Variants in FEZ1 observed in about 807,000 individuals in gnomAD.
FEZ1 encodes fasciculation and elongation protein zeta-1.
Under a neutral mutation model 49.3 loss-of-function variants are expected in FEZ1, and 20 were observed. The observed-to-expected ratio is 0.41, with a 90% CI of 0.29 to 0.59. The LOEUF is 0.59. Ranked by LOEUF, FEZ1 falls within the 20% of genes least tolerant of loss-of-function variation. The pLI, the probability that FEZ1 is intolerant of heterozygous loss-of-function variation, is 0.36. For synonymous variants in FEZ1, 170 were observed against 180.9 expected, an observed-to-expected ratio of 0.94 and a Z score of 0.48; for missense variants, 413 against 476.0, an observed-to-expected ratio of 0.87 and a Z score of 1.23.
chr11:125,474,072 T>G (rs2135767470), intron 3 of FEZ1, among the ~76,000 whole-genome samples: 1 of 151,942 alleles, frequency 6.6e-6, no homozygotes, highest in African/African-American at 2.4e-5. Flanking sequence ...TTGCCCAGAC[T>G]GGAGTGCAAT....
At chr11:125,460,712 G>C in intron 4 of FEZ1, 46 bp from the exon 5 acceptor site, 1 of 1,551,144 alleles carries the variant, frequency 6.4e-7, no homozygotes, top group Non-Finnish European at 8.8e-7. Context: ...CTCTGCTAGA[G>C]GGGCATTCTG....
chr11:125,493,493 A>G (rs1169307700), intron 1 of FEZ1, among the ~76,000 whole-genome samples: 3 of 101,786 alleles, frequency 2.9e-5, no homozygotes, highest in Admixed American at 9.6e-5. Flanking sequence ...AAAGAAGGAA[A>G]GAAAGAAAGA....
Position 125,446,005 on chromosome 11 carries a change from G to T in FEZ1, c.*90C>A. ...TTAAGCTATACACGTTTAAATACATGTCGGAGGTTACATGGTCTCATGCAG... is the reference window on the plus strand; with the variant it reads ...TTAAGCTATACACGTTTAAATACATTTCGGAGGTTACATGGTCTCATGCAG... On this transcript the variant is annotated 3_prime_UTR_variant, in exon 10 of 10. Coordinates refer to ENST00000278919, the MANE Select transcript of FEZ1 (RefSeq NM_005103.5). 7.8e-7 allele frequency: 1 copy of T among 1,275,218 alleles called. No homozygotes were observed. The highest frequency in any genetic ancestry group is 1.1e-6 in the Non-Finnish European group (1 of 871,784). 79.0% of individuals were successfully genotyped at this position (1,275,218 alleles called of 1,614,324 possible). A position where few individuals can be genotyped will look rare whatever the true frequency, so the allele number is the denominator to read the frequency against.
At chr11:125,470,361 G>A (rs1957174052) in intron 3 of FEZ1, among the ~76,000 whole-genome samples, 1 of 152,226 alleles carries the variant, frequency 6.6e-6, no homozygotes, top group East Asian at 1.9e-4. Context: ...CCATCGAGCT[G>A]AAGGCTGAGA....
intron 9 of FEZ1, among the ~76,000 whole-genome samples, chr11:125,446,432 T>C (rs949544497): frequency 2.0e-5 from 3 of 152,224 alleles, no homozygotes; most frequent in African/African-American, 7.2e-5. Context: ...CGCAGGGTTG[T>C]TGAGAGGCAT....
rs10524234 is a variant in FEZ1, at chr11:125,495,799, GACAC to G, written c.-46+318_-46+321del. 0.4 allele frequency: 121,717 copies of G among 304,374 alleles called. 17,210 individuals carry two copies. Among genetic ancestry groups the G allele is most frequent in the Admixed American group, 0.52 (11,132 of 21,446 alleles). The allele number at this position is 304,374 out of a possible 1,614,324, so 18.9% of individuals were successfully genotyped here. On this transcript the variant is annotated intron_variant, in intron 1 of 9. Transcript: ENST00000278919. This position sits in a 1 kb window ranked among gnomAD's most constrained non-coding sequence, Gnocchi z 4.2. Reference sequence around the variant, plus strand: ...GCACACACGCGGGCACACACACGCGGACACACACACACACACACACACACACACA... The same window carrying G: ...GCACACACGCGGGCACACACACGCGGACACACACACACACACACACACACA...
At chr11:125,452,270 C>G in intron 8 of FEZ1, 64 bp downstream of exon 8, 2 of 1,125,162 alleles carry the variant, frequency 1.8e-6, no homozygotes, top group Non-Finnish European at 1.4e-6. Context: ...CACGGAGGTA[C>G]AACGTACAGG....
At position 125,456,260 on chromosome 11, in the gene FEZ1, C is replaced by T. The variant is rs80283327; in HGVS notation, c.668-154G>A. On this transcript the variant is annotated intron_variant, in intron 5 of 9. Transcript: ENST00000278919. ...ATCCAAGAAAGACCTTCACAATTTA[C>T]GAGCACGCCAGGAAGGCGGGGGCCT... is the stretch of plus-strand genomic sequence containing the variant. 927 of 696,800 alleles carry T rather than the reference C, an allele frequency of 1.3e-3. 3 individuals carry two copies. The African/African-American group carries it at 0.015, about 11-fold the overall frequency. 43.2% of individuals were successfully genotyped at this position (696,800 alleles called of 1,614,324 possible).
chr11:125,473,664 C>T (rs1345049404), intron 3 of FEZ1, among the ~76,000 whole-genome samples: 1 of 151,810 alleles, frequency 6.6e-6, no homozygotes, highest in South Asian at 2.1e-4. Context: ...ACTAAAAATA[C>T]AAAAATTAGC....
chr11:125,479,080 G>C (rs1168409405), intron 3 of FEZ1, among the ~76,000 whole-genome samples: 1 of 152,156 alleles, frequency 6.6e-6, no homozygotes, highest in Non-Finnish European at 1.5e-5. Context: ...CAGGACCTGA[G>C]ACACAGCCTC....
chr11:125,454,002 G>T (rs886410969), intron 7 of FEZ1, 128 bp downstream of exon 7: 11 of 453,954 alleles, frequency 2.4e-5, no homozygotes, highest in East Asian at 4.2e-5. Context: ...AGAAAAAAGT[G>T]TTAGGACCCC....
intron 3 of FEZ1, among the ~76,000 whole-genome samples, chr11:125,464,089 A>C (rs1214531902): frequency 6.6e-6 from 1 of 152,242 alleles, no homozygotes; most frequent in Non-Finnish European, 1.5e-5. Flanking sequence ...GAATCCAGGC[A>C]TGATGTCATA....
At chr11:125,447,457 C>T (rs1956908605) in intron 9 of FEZ1, among the ~76,000 whole-genome samples, 1 of 152,108 alleles carries the variant, frequency 6.6e-6, no homozygotes, top group South Asian at 2.1e-4. Flanking sequence ...TTTATTGGCC[C>T]CTGATTCAAA....
chr11:125,458,903 T>A (rs1957044613), intron 5 of FEZ1, among the ~76,000 whole-genome samples: 1 of 151,916 alleles, frequency 6.6e-6, no homozygotes, highest in Non-Finnish European at 1.5e-5. Flanking sequence ...TCATCTCTAC[T>A]AAGAATATAA....
At chr11:125,455,752 TCC>T (rs765440507) in intron 6 of FEZ1, 81 bp downstream of exon 6, 10 of 1,400,620 alleles carry the variant, frequency 7.1e-6, no homozygotes, top group Non-Finnish European at 1.0e-5. Flanking sequence ...CGTTGATGAG[TCC>T]CCTGCAGGGT....
intron 7 of FEZ1, chr11:125,453,928 C>CAAA (rs34707154): frequency 1.4e-4 from 34 of 245,052 alleles, no homozygotes; most frequent in Middle Eastern, 2.2e-3. Flanking sequence ...CACTAGAGCT[C>CAAA]AAAAAAAAAA....
chr11:125,469,565 TA>T (rs1192031742), intron 3 of FEZ1, among the ~76,000 whole-genome samples: 1 of 151,892 alleles, frequency 6.6e-6, no homozygotes, highest in African/African-American at 2.4e-5. Flanking sequence ...CCATTTTTTT[TA>T]AAATTAATGT....
At chr11:125,465,648 A>T (rs1267880751) in intron 3 of FEZ1, among the ~76,000 whole-genome samples, 1 of 152,202 alleles carries the variant, frequency 6.6e-6, no homozygotes, top group African/African-American at 2.4e-5. Flanking sequence ...CTAAAAAATA[A>T]AATAAAAGGA....
intron 3 of FEZ1, among the ~76,000 whole-genome samples, chr11:125,479,582 C>T (rs1957261614): frequency 6.6e-6 from 1 of 152,148 alleles, no homozygotes; most frequent in Non-Finnish European, 1.5e-5. Context: ...TCCTAATGCC[C>T]AAAGTGATGG....
Sources: gnomAD v4.1 joint callset for allele counts (sites outside exome capture counted in the v4.1 genomes callset) on GRCh38, gnomAD v4.1.1 for gene constraint, Gnocchi (gnomAD v3.1) non-coding constraint, MANE v1.5 for transcripts, NCBI Gene and HGNC (gene_info 2026-07-23, HGNC 2026-07-21) for gene names.